The following ZNF491 variants were observed in gnomAD, a reference collection of about 807,000 sequenced individuals.
ZNF491 encodes zinc finger protein 491.
A neutral mutation model predicts 34.7 loss-of-function variants in ZNF491; 22 were observed. The observed-to-expected ratio is 0.63, with a 90% CI of 0.45 to 0.90. The LOEUF (loss-of-function observed/expected upper bound fraction) is 0.90. Ranked by LOEUF, ZNF491 falls within the 40% of genes least tolerant of loss-of-function variation. ZNF491 has a pLI of 0.00. For synonymous variants in ZNF491, 148 were observed against 174.3 expected, an observed-to-expected ratio of 0.85 and a Z score of 1.19; for missense variants, 559 against 531.7, an observed-to-expected ratio of 1.05 and a Z score of -0.51.
chr19:11,806,761 C>A lies in ZNF491; in HGVS notation c.808C>A (p.Pro270Thr), dbSNP rs776204032. The change falls in exon 3 of 3, where the codon CCT becomes ACT. Residue 270 changes from proline to threonine, a missense_variant. Coordinates refer to ENST00000323169, the MANE Select transcript of ZNF491 (RefSeq NM_152356.4). ...CATGAGAATGCACACTGGAGAGAGG[C>A]CTCATAAATGTAAGATATGTGGGAA... ...RHMRMHTGERPHKCKICGKAF... is the reference protein window; with the variant it reads ...RHMRMHTGERTHKCKICGKAF... 4 of 1,613,236 alleles carry A rather than the reference C, an allele frequency of 2.5e-6. No homozygotes were observed. The African/African-American group carries it at 4.0e-5, about 16-fold the overall frequency.
chr19:11,806,678 C>G lies in ZNF491; in HGVS notation c.725C>G (p.Pro242Arg), dbSNP rs202132730. 1.2e-4 allele frequency: 194 copies of G among 1,613,142 alleles called. 1 individual carries two copies. The South Asian group carries it at 1.9e-3, about 16-fold the overall frequency. Reference protein sequence around the residue: ...RHERTHTGEKPYECKLYGKAL... With the variant: ...RHERTHTGEKRYECKLYGKAL... Reference sequence around the variant, plus strand: ...GAAAGGACTCACACAGGAGAAAAACCCTATGAATGTAAACTATATGGGAAA... The same window carrying G: ...GAAAGGACTCACACAGGAGAAAAACGCTATGAATGTAAACTATATGGGAAA... The change falls in exon 3 of 3, where the codon CCC becomes CGC. Residue 242 changes from proline (P) to arginine (R), a missense_variant. Physicochemically the swap from Pro to Arg is moderately radical, Grantham distance 103. Transcript: ENST00000323169.
intron 1 of ZNF491, among the ~76,000 whole-genome samples, chr19:11,803,449 T>G (rs781085198): frequency 1.2e-4 from 18 of 152,214 alleles, no homozygotes; most frequent in Non-Finnish European, 2.5e-4. Context: ...ATTAATGAAA[T>G]TCCAGATTTT....
At chr19:11,805,926 T>C in intron 2 of ZNF491, 21 bp from the exon 3 acceptor site, 3 of 1,515,382 alleles carry the variant, frequency 2.0e-6, no homozygotes, top group Non-Finnish European at 2.7e-6. Context: ...CCCTTAATTA[T>C]GTGCTTGGCA....
At chr19:11,801,412 T>G (rs1470256914) in intron 1 of ZNF491, among the ~76,000 whole-genome samples, 1 of 152,074 alleles carries the variant, frequency 6.6e-6, no homozygotes, top group Non-Finnish European at 1.5e-5. Context: ...ATCTCAGCAC[T>G]TTGGGAGGCT....
At chr19:11,805,845 C>A in intron 2 of ZNF491, 102 bp from the exon 3 acceptor site, 1 of 1,024,384 alleles carries the variant, frequency 9.8e-7, no homozygotes, top group Non-Finnish European at 1.4e-6. Flanking sequence ...AGACTTTGTA[C>A]CAAAAAAACA....
At chr19:11,804,442 T>C in intron 1 of ZNF491, 100 bp from the exon 2 acceptor site, 1 of 1,344,310 alleles carries the variant, frequency 7.4e-7, no homozygotes, top group South Asian at 1.9e-5. Flanking sequence ...GAATAAATGT[T>C]TGGAGTCCAC....
At chr19:11,803,636 C>T (rs1051508454) in intron 1 of ZNF491, among the ~76,000 whole-genome samples, 9 of 152,052 alleles carry the variant, frequency 5.9e-5, no homozygotes, top group Admixed American at 3.9e-4. Flanking sequence ...ATAGAATGTT[C>T]CTCAATTTGG....
chr19:11,806,811 T>C lies in ZNF491; in HGVS notation c.858T>C (p.Phe286=), dbSNP rs140035496. 12 of 1,609,826 alleles carry C rather than the reference T, an allele frequency of 7.5e-6. No individual in the cohort carries two copies. In the East Asian group the frequency reaches 1.6e-4, roughly 21 times the overall value. Residue 286 remains phenylalanine (F), a synonymous_variant, in exon 3 of 3, where the codon TTT becomes TTC. Transcript: ENST00000323169. ...AAGCCTTTTACTCTCCCAGTTCATTTCAAAGGCATGAAAGAAGTCACACTG... is the reference window on the plus strand; with the variant it reads ...AAGCCTTTTACTCTCCCAGTTCATTCCAAAGGCATGAAAGAAGTCACACTG... ...CGKAFYSPSS[F]QRHERSHTGE...
At chr19:11,802,243 C>A (rs538177833) in intron 1 of ZNF491, among the ~76,000 whole-genome samples, 169 of 152,258 alleles carry the variant, frequency 1.1e-3, no homozygotes, top group Non-Finnish European at 2.1e-3. Context: ...TGAGGCACTG[C>A]CATACTGTTT....
At chr19:11,804,804 A>G (rs192646929) in intron 2 of ZNF491, 137 bp downstream of exon 2, 8 of 302,762 alleles carry the variant, frequency 2.6e-5, no homozygotes, top group African/African-American at 4.5e-5. Flanking sequence ...TGTCCCATAA[A>G]CATGGAATCT....
rs1199058597 is a variant in ZNF491 at position 11,806,408 on chromosome 19, C to A, written c.455C>A (p.Thr152Asn). The A allele has an allele frequency of 6.2e-7, 1 of 1,613,360 alleles. No homozygotes were observed. Among genetic ancestry groups the A allele is most frequent in the Admixed American group, 1.7e-5 (1 of 59,854 alleles). The change falls in exon 3 of 3, where the codon ACT becomes AAT. Residue 152 changes from threonine (T) to asparagine (N), a missense_variant. Thr to Asn is a moderately conservative substitution (Grantham distance 65). Coordinates refer to ENST00000323169, the MANE Select transcript of ZNF491 (RefSeq NM_152356.4). ...CLSLYLTHER[T>N]HTGEKRYECK... Reference sequence around the variant, plus strand: ...AGTTTATACCTTACCCATGAACGAACTCACACTGGAGAGAAACGATATGAA... The same window carrying A: ...AGTTTATACCTTACCCATGAACGAAATCACACTGGAGAGAAACGATATGAA...
intron 1 of ZNF491, 49 bp from the exon 2 acceptor site, chr19:11,804,493 A>T (rs1020212233): frequency 4.0e-6 from 6 of 1,486,808 alleles, no homozygotes; most frequent in Non-Finnish European, 5.3e-6. Context: ...CTAGGCCCCC[A>T]GTGCTGTCAC....
rs145101992 is a variant in ZNF491, at chr19:11,806,294, C to T, written c.341C>T (p.Ser114Phe). 6.2e-6 allele frequency: 10 copies of T among 1,605,460 alleles called. No homozygotes were observed. The highest frequency in any genetic ancestry group is 3.5e-5 in the Admixed American group (2 of 57,524). The change falls in exon 3 of 3, where the codon TCT becomes TTT. Residue 114 changes from serine to phenylalanine, a missense_variant. Physicochemically the swap from Ser to Phe is radical, Grantham distance 155. Coordinates refer to ENST00000323169, the MANE Select transcript of ZNF491 (RefSeq NM_152356.4). Reference protein sequence around the residue: ...DCKECEKSFISPASIRRYMVT... With the variant: ...DCKECEKSFIFPASIRRYMVT... ...AAGGAATGTGAAAAATCTTTCATTT[C>T]TCCTGCAAGCATTCGAAGATATATG...
intron 2 of ZNF491, among the ~76,000 whole-genome samples, chr19:11,805,521 G>T (rs1355534274): frequency 6.6e-6 from 1 of 150,834 alleles, no homozygotes; most frequent in Non-Finnish European, 1.5e-5. Context: ...AAACAATTCA[G>T]ACAGGGCAGA....
Position 11,800,892 on chromosome 19 carries a change from C to T in ZNF491, c.-134+2165C>T, listed in dbSNP as rs148912379. Reference sequence around the variant, plus strand: ...AAAACAACCAAACAAAATAGCTGGGCATGGTGTCATATTCCTGTAGTCTCA... The same window carrying T: ...AAAACAACCAAACAAAATAGCTGGGTATGGTGTCATATTCCTGTAGTCTCA... On this transcript the variant is annotated intron_variant, in intron 1 of 2. Transcript: ENST00000323169. Among the ~76,000 whole-genome samples, 160 of 151,970 alleles carry T rather than the reference C, an allele frequency of 1.1e-3. 3 individuals carry two copies. Among genetic ancestry groups the T allele is most frequent in the Admixed American group, 9.8e-3 (150 of 15,268 alleles).
chr19:11,800,471 G>A (rs1975546326), intron 1 of ZNF491, among the ~76,000 whole-genome samples: 1 of 150,896 alleles, frequency 6.6e-6, no homozygotes, highest in African/African-American at 2.4e-5. Context: ...CAAATGAATA[G>A]CACTATTTAA....
chr19:11,804,791 C>A, intron 2 of ZNF491, 124 bp downstream of exon 2: 1 of 341,840 alleles, frequency 2.9e-6, no homozygotes, highest in Non-Finnish European at 4.8e-6. Context: ...GGCATGGCTG[C>A]AGTGTCCCAT....
At chr19:11,802,685 T>C (rs1270631984) in intron 1 of ZNF491, among the ~76,000 whole-genome samples, 1 of 152,228 alleles carries the variant, frequency 6.6e-6, no homozygotes, top group African/African-American at 2.4e-5. Context: ...TCTTAATCAG[T>C]TGGGTTGGTG....
chr19:11,807,310 T>G lies in ZNF491; in HGVS notation c.*43T>G. On this transcript the variant is annotated 3_prime_UTR_variant, in exon 3 of 3. Coordinates refer to ENST00000323169, the MANE Select transcript of ZNF491 (RefSeq NM_152356.4). ...AATTTTTATTTTAATAGAGACAGGG[T>G]CTCACTATCTTGTCCAGGTTGGTCT... 7.0e-7 allele frequency: 1 copy of G among 1,421,706 alleles called. No individual in the cohort carries two copies. Among genetic ancestry groups the G allele is most frequent in the South Asian group, 1.6e-5 (1 of 64,398 alleles). The allele number at this position is 1,421,706 out of a possible 1,614,324, so 88.1% of individuals were successfully genotyped here.
Sources: gnomAD v4.1 joint callset for allele counts (sites outside exome capture counted in the v4.1 genomes callset) on GRCh38, gnomAD v4.1.1 for gene constraint, MANE v1.5 for transcripts, NCBI Gene and HGNC (gene_info 2026-07-23, HGNC 2026-07-21) for gene names.